Variants in SATL1 observed in about 807,000 individuals in gnomAD.
The protein encoded by SATL1 is spermidine/spermine N(1)-acetyltransferase-like protein 1.
In SATL1, 47 loss-of-function variants were observed where a neutral mutation model predicts 51.8. That is an observed-to-expected ratio of 0.91 (90% CI 0.72 to 1.16). SATL1 has a LOEUF of 1.16. Ranked by LOEUF, SATL1 falls within the 50% of genes most tolerant of loss-of-function variation. The pLI, the probability that SATL1 is intolerant of heterozygous loss-of-function variation, is 0.00. For missense variants in SATL1, 520 were observed against 526.4 expected (o/e 0.99, Z 0.12); for synonymous variants, 176 against 182.4 (o/e 0.97, Z 0.28).
intron 2 of SATL1, among the ~76,000 whole-genome samples, chrX:85,149,963 T>C (rs5968461): frequency 0.25 from 27,058 of 110,178 alleles, 3,332 homozygotes; most frequent in Non-Finnish European, 0.37. Context: ...ATAACTAAAA[T>C]CAGAGCAGAA....
intron 2 of SATL1, among the ~76,000 whole-genome samples, chrX:85,111,762 A>G (rs748046258): frequency 1.7e-4 from 19 of 112,234 alleles, no homozygotes; most frequent in African/African-American, 5.8e-4. Flanking sequence ...CAAAATGTAC[A>G]TGCATTGTCT....
intron 2 of SATL1, among the ~76,000 whole-genome samples, chrX:85,194,854 C>T (rs1256219222): frequency 4.2e-5 from 4 of 94,586 alleles, no homozygotes; most frequent in African/African-American, 1.6e-4. Context: ...AGGGGAACAT[C>T]ACACACTGGG....
At chrX:85,150,913 G>A (rs747648869) in intron 2 of SATL1, among the ~76,000 whole-genome samples, 1 of 110,427 alleles carries the variant, frequency 9.1e-6, no homozygotes, top group Admixed American at 9.8e-5. Context: ...CACAAGACAG[G>A]GATGCCCTCT....
chrX:85,226,921 C>G (rs1240951936), intron 1 of SATL1, among the ~76,000 whole-genome samples: 1 of 111,089 alleles, frequency 9.0e-6, no homozygotes, highest in Non-Finnish European at 1.9e-5. Flanking sequence ...AGTAACTTAT[C>G]ATTCTCATGT....
intron 4 of SATL1, among the ~76,000 whole-genome samples, chrX:85,098,034 T>C (rs1242224420): frequency 9.0e-6 from 1 of 111,303 alleles, no homozygotes; most frequent in African/African-American, 3.3e-5. Flanking sequence ...ATAGGCAGAA[T>C]AGATTAAGGA....
intron 2 of SATL1, among the ~76,000 whole-genome samples, chrX:85,153,445 C>T (rs1926515817): frequency 9.0e-6 from 1 of 111,584 alleles, no homozygotes; most frequent in Non-Finnish European, 1.9e-5. Context: ...AGTCTTGAGA[C>T]AGCCCTTGTG....
intron 4 of SATL1, among the ~76,000 whole-genome samples, chrX:85,098,719 A>G (rs149584987): frequency 8.9e-6 from 1 of 111,907 alleles, no homozygotes; most frequent in Non-Finnish European, 1.9e-5. Flanking sequence ...TGGGTCAAAG[A>G]GGAAAGTATA....
intron 2 of SATL1, among the ~76,000 whole-genome samples, chrX:85,112,215 G>T (rs1340573978): frequency 9.0e-6 from 1 of 110,731 alleles, no homozygotes; most frequent in Non-Finnish European, 1.9e-5. Flanking sequence ...AGCCAGGCTT[G>T]GTGGTGGGTG....
Position 85,211,245 on chromosome X carries a change from C to T in SATL1, c.-313+12960G>A, listed in dbSNP as rs779010437. 3.6e-5 allele frequency: 4 copies of T among 111,571 alleles called. No homozygotes were observed. In the East Asian group the frequency reaches 1.1e-3, roughly 32 times the overall value. The allele number at this position is 111,571 out of a possible 1,213,427, so 9.2% of individuals were successfully genotyped here. On this transcript the variant is annotated intron_variant, in intron 2 of 7. Transcript: ENST00000644105. Reference sequence around the variant, plus strand: ...ATATGTATATACATAGACATACATACAATACATATTGTATATGTACATACT... The same window carrying T: ...ATATGTATATACATAGACATACATATAATACATATTGTATATGTACATACT...
intron 2 of SATL1, among the ~76,000 whole-genome samples, chrX:85,123,485 CT>C (rs1208469637): frequency 9.0e-6 from 1 of 111,711 alleles, no homozygotes; most frequent in Non-Finnish European, 1.9e-5. Context: ...TGTTCATGTC[CT>C]TTGCCCACTT....
intron 2 of SATL1, among the ~76,000 whole-genome samples, chrX:85,170,620 C>T (rs758490959): frequency 5.6e-4 from 62 of 111,572 alleles, no homozygotes; most frequent in African/African-American, 1.8e-3. Flanking sequence ...AGCCATGTTT[C>T]ATGGCTTGAG....
intron 2 of SATL1, among the ~76,000 whole-genome samples, chrX:85,203,422 T>A (rs12008100): frequency 0.015 from 1,617 of 110,054 alleles, 35 homozygotes; most frequent in African/African-American, 0.052. Context: ...AATGGCTAAG[T>A]CACCCAAAGA....
At chrX:85,165,433 T>C (rs747790885) in intron 2 of SATL1, among the ~76,000 whole-genome samples, 1 of 110,645 alleles carries the variant, frequency 9.0e-6, no homozygotes, top group South Asian at 3.8e-4. Flanking sequence ...CTCTGGAGAC[T>C]TTTTCAGCCA....
intron 2 of SATL1, among the ~76,000 whole-genome samples, chrX:85,192,791 A>G (rs1335793861): frequency 8.9e-6 from 1 of 111,810 alleles, no homozygotes; most frequent in Admixed American, 9.6e-5. Context: ...TATCCCTAGT[A>G]TTTAGCAGAC....
At chrX:85,190,492 T>C (rs981282355) in intron 2 of SATL1, among the ~76,000 whole-genome samples, 1 of 111,302 alleles carries the variant, frequency 9.0e-6, no homozygotes, top group African/African-American at 3.3e-5. Context: ...CACTGGCAAA[T>C]GTGCTATCAA....
chrX:85,219,736 C>T (rs1436972883), intron 2 of SATL1: 1 of 110,812 alleles, frequency 9.0e-6, no homozygotes, highest in African/African-American at 3.3e-5. Context: ...AGAATGATCC[C>T]ATAACCTGGG....
At chrX:85,214,710 G>A (rs1292439240) in intron 2 of SATL1, among the ~76,000 whole-genome samples, 1 of 111,752 alleles carries the variant, frequency 8.9e-6, no homozygotes, top group Non-Finnish European at 1.9e-5. Context: ...CACAATGGTG[G>A]TACAGGCATT....
intron 2 of SATL1, among the ~76,000 whole-genome samples, chrX:85,204,081 G>C (rs1445371652): frequency 2.7e-5 from 3 of 111,964 alleles, no homozygotes; most frequent in African/African-American, 9.8e-5. Flanking sequence ...GAAGACTGAA[G>C]GCTCTGGTGG....
chrX:85,098,200 AT>A (rs1924787857), intron 4 of SATL1, among the ~76,000 whole-genome samples: 1 of 112,148 alleles, frequency 8.9e-6, no homozygotes, highest in South Asian at 3.7e-4. Context: ...ATCAGACAAA[AT>A]AGACTTTAAG....
Sources: allele counts gnomAD v4.1 joint callset (sites outside exome capture counted in the v4.1 genomes callset), GRCh38; gene constraint gnomAD v4.1.1; transcripts MANE v1.5; gene names NCBI Gene and HGNC (gene_info 2026-07-23, HGNC 2026-07-21).